Variants in SORCS2 observed in about 807,000 individuals in gnomAD.
The protein encoded by SORCS2 is sortilin related VPS10 domain containing receptor 2, also known as VPS10 domain-containing receptor SorCS2.
In SORCS2, 100 loss-of-function variants were observed where a neutral mutation model predicts 141.6. That is an observed-to-expected ratio of 0.71 (90% CI 0.60 to 0.83). The LOEUF (loss-of-function observed/expected upper bound fraction) is 0.83, where lower values mean the gene tolerates loss of function less well. SORCS2 is among the 40% of genes least tolerant of loss of function. The pLI is 0.00. For missense variants in SORCS2, 1,646 were observed against 1,560.2 expected (o/e 1.05, Z -0.93); for synonymous variants, 789 against 676.9 (o/e 1.17, Z -2.57).
chr4:7,471,114 C>T (rs1333491350), intron 2 of SORCS2, among the ~76,000 whole-genome samples: 7 of 152,174 alleles, frequency 4.6e-5, no homozygotes, highest in Non-Finnish European at 1.0e-4. Flanking sequence ...ATCTTTTTCT[C>T]ACCCCAGGAC....
In SORCS2 at chr4:7,226,007, A is replaced by C. The variant is rs534754803; in HGVS notation, c.480+32881A>C. Among the ~76,000 whole-genome samples, 131 of 152,188 alleles carry C rather than the reference A, an allele frequency of 8.6e-4. 1 individual carries two copies. Among genetic ancestry groups the C allele is most frequent in the Non-Finnish European group, 1.7e-3 (114 of 68,026 alleles). On this transcript the variant is annotated intron_variant, in intron 1 of 26. Transcript: ENST00000507866. ...AAAGGCCCTGTCTCTCACTGAGAGC[A>C]ATGTCAAAGCACTTGGGGCTGTGTT...
Position 7,704,194 on chromosome 4 carries a change from G to A in SORCS2, c.1778G>A (p.Gly593Asp). The part of the protein sequence containing the change: ...LKILKFSVDE[G>D]LTWSTHNFTS... The stretch of plus-strand genomic sequence containing the variant: ...CCTGGCAGGTTCAGTGTGGACGAGG[G>A]CCTCACCTGGAGCACGCACAACTTC... Residue 593 changes from glycine to aspartate, a missense_variant, in exon 14 of 27, where the codon GGC (glycine) becomes GAC (aspartate). Physicochemically the swap from Gly to Asp is moderately conservative, Grantham distance 94. Coordinates refer to ENST00000507866, the MANE Select transcript of SORCS2 (RefSeq NM_020777.3). The A allele has an allele frequency of 6.2e-7, 1 of 1,612,558 alleles. No individual in the cohort carries two copies. Among genetic ancestry groups the A allele is most frequent in the Admixed American group, 1.7e-5 (1 of 59,866 alleles).
rs1011836011 is a variant in SORCS2, at chr4:7,504,002, C to T, written c.549-27528C>T. 8.5e-5 allele frequency among the ~76,000 whole-genome samples: 13 copies of T among 152,278 alleles called. No individual in the cohort carries two copies. The East Asian group carries it at 1.9e-3, about 23-fold the overall frequency. On this transcript the variant is annotated intron_variant, in intron 2 of 26. Transcript: ENST00000507866. ...TAACCTGCTCCCCTGCTACTCCACC[C>T]GGAGAGCAGGCCTGGAGCAGAGGAG...
intron 24 of SORCS2, 148 bp downstream of exon 24, chr4:7,733,569 G>C (rs1468209352): frequency 1.4e-5 from 9 of 634,166 alleles, no homozygotes; most frequent in Non-Finnish European, 2.4e-5. Context: ...ACCCACCCAG[G>C]TCAGACGCAG....
intron 2 of SORCS2, among the ~76,000 whole-genome samples, chr4:7,430,065 G>T (rs1456103965): frequency 6.6e-6 from 1 of 152,132 alleles, no homozygotes; most frequent in Non-Finnish European, 1.5e-5. Context: ...GCTTCTCGTT[G>T]TAAGGAATAG....
At chr4:7,472,627 C>T (rs979232334) in intron 2 of SORCS2, among the ~76,000 whole-genome samples, 2 of 152,106 alleles carry the variant, frequency 1.3e-5, no homozygotes, top group Admixed American at 6.5e-5. Context: ...TCACACACGC[C>T]GCGCTTCTGG....
At chr4:7,332,506 C>G (rs904855787) in intron 1 of SORCS2, among the ~76,000 whole-genome samples, 1 of 152,202 alleles carries the variant, frequency 6.6e-6, no homozygotes, top group African/African-American at 2.4e-5. Flanking sequence ...TTCCCCCGAC[C>G]CACTGTGACC....
At chr4:7,314,826 T>A (rs1718454639) in intron 1 of SORCS2, among the ~76,000 whole-genome samples, 2 of 140,400 alleles carry the variant, frequency 1.4e-5, no homozygotes, top group Admixed American at 7.0e-5. Flanking sequence ...TTTTTTTTTT[T>A]TTTATTGTTG....
intron 1 of SORCS2, among the ~76,000 whole-genome samples, chr4:7,261,362 T>C: frequency 6.6e-6 from 1 of 152,184 alleles, no homozygotes; most frequent in Non-Finnish European, 1.5e-5. Context: ...CATATTTAGC[T>C]CTGTGGTCAG....
chr4:7,348,259 A>G (rs1272323245), intron 1 of SORCS2, among the ~76,000 whole-genome samples: 4 of 152,218 alleles, frequency 2.6e-5, no homozygotes, highest in Non-Finnish European at 5.9e-5. Context: ...CAGCTTTCTC[A>G]CAAGGATTAT....
chr4:7,197,155 A>G (rs1389304641), intron 1 of SORCS2, among the ~76,000 whole-genome samples: 1 of 152,142 alleles, frequency 6.6e-6, no homozygotes, highest in Non-Finnish European at 1.5e-5. Context: ...CCATGTCTCC[A>G]CATGGTCTTC....
intron 1 of SORCS2, among the ~76,000 whole-genome samples, chr4:7,365,903 A>C (rs528280126): frequency 5.6e-4 from 86 of 152,248 alleles, no homozygotes; most frequent in Non-Finnish European, 9.7e-4. Context: ...TGTCATTGCC[A>C]GGACTGGGCT....
At chr4:7,225,181 A>G (rs1728924913) in intron 1 of SORCS2, among the ~76,000 whole-genome samples, 1 of 152,150 alleles carries the variant, frequency 6.6e-6, no homozygotes, top group South Asian at 2.1e-4. Flanking sequence ...CTGCACACAC[A>G]TTTCTGCTTC....
chr4:7,204,193 C>T (rs1417312532), intron 1 of SORCS2, among the ~76,000 whole-genome samples: 1 of 152,058 alleles, frequency 6.6e-6, no homozygotes, highest in Admixed American at 6.6e-5. Context: ...AGTGGGATTG[C>T]TAGATCTTAT....
chr4:7,345,017 C>G (rs563006461), intron 1 of SORCS2, among the ~76,000 whole-genome samples: 1 of 151,930 alleles, frequency 6.6e-6, no homozygotes, highest in African/African-American at 2.4e-5. Context: ...GGCCTGTTGT[C>G]CCTCCTGCTG....
intron 4 of SORCS2, among the ~76,000 whole-genome samples, chr4:7,641,333 C>T (rs1210397650): frequency 1.3e-5 from 2 of 152,172 alleles, no homozygotes; most frequent in Non-Finnish European, 2.9e-5. Flanking sequence ...CTTCACAAGG[C>T]ATCAGGAGAG....
At chr4:7,591,883 C>T (rs915422532) in intron 3 of SORCS2, among the ~76,000 whole-genome samples, 16 of 152,136 alleles carry the variant, frequency 1.1e-4, no homozygotes, top group Admixed American at 3.9e-4. Context: ...TCTGGGATTA[C>T]GCTTTTCTGT....
In SORCS2 at chr4:7,381,063, T is replaced by A. The variant is rs10937808; in HGVS notation, c.481-15225T>A. On this transcript the variant is annotated intron_variant, in intron 1 of 26. Coordinates refer to ENST00000507866, the MANE Select transcript of SORCS2 (RefSeq NM_020777.3). Reference sequence around the variant, plus strand: ...CGCCACTGCACTCCAGCCTGGGTGATAGAGCAAGACTCTGTCTCCAAAAAA... The same window carrying A: ...CGCCACTGCACTCCAGCCTGGGTGAAAGAGCAAGACTCTGTCTCCAAAAAA... 6.2e-5 allele frequency among the ~76,000 whole-genome samples: 9 copies of A among 145,116 alleles called. No homozygotes were observed. In the East Asian group the frequency reaches 1.8e-3, roughly 29 times the overall value.
chr4:7,518,707 T>G (rs1733140843), intron 2 of SORCS2, among the ~76,000 whole-genome samples: 1 of 152,150 alleles, frequency 6.6e-6, no homozygotes. Context: ...CCTGACCAAG[T>G]GCAAAGCGAT....
Sources: gnomAD v4.1 joint callset for allele counts (sites outside exome capture counted in the v4.1 genomes callset) on GRCh38, gnomAD v4.1.1 for gene constraint, MANE v1.5 for transcripts, NCBI Gene and HGNC (gene_info 2026-07-23, HGNC 2026-07-21) for gene names.